RBMS3: variants seen among roughly 807,000 people sequenced by gnomAD.
RBMS3 encodes RNA-binding motif, single-stranded-interacting protein 3.
In RBMS3, 27 loss-of-function variants were observed where a neutral mutation model predicts 66.8. The ratio of observed to expected loss-of-function variants is 0.40; its 90% CI spans 0.30 to 0.56. The LOEUF is 0.56. Ranked by LOEUF, RBMS3 falls within the 20% of genes least tolerant of loss-of-function variation. The pLI is 0.40. For missense variants in RBMS3, 513 were observed against 549.5 expected (o/e 0.93, Z 0.66); for synonymous variants, 188 against 183.0 (o/e 1.03, Z -0.22).
In RBMS3 at chr3:29,627,337, C is replaced by G. The variant is rs141056727; in HGVS notation, c.399+40132C>G. The stretch of plus-strand genomic sequence containing the variant: ...CTCTTCTGCCTCGCTAACTTTAAAG[C>G]AGAGTTTCCTAACCTCAGCACTATT... On this transcript the variant is annotated intron_variant, in intron 4 of 14. Coordinates refer to ENST00000383767, the MANE Select transcript of RBMS3 (RefSeq NM_001003793.3). 4.0e-5 allele frequency among the ~76,000 whole-genome samples: 6 copies of G among 151,784 alleles called. No individual in the cohort carries two copies. The East Asian group carries it at 1.2e-3, about 30-fold the overall frequency.
chr3:29,719,895 G>A (rs1014940116), intron 4 of RBMS3, among the ~76,000 whole-genome samples: 2 of 151,200 alleles, frequency 1.3e-5, no homozygotes, highest in African/African-American at 4.9e-5. Flanking sequence ...TTGGAACTCG[G>A]CTCCATTTAT....
At chr3:29,416,406 T>C (rs1202017331) in intron 1 of RBMS3, among the ~76,000 whole-genome samples, 4 of 152,170 alleles carry the variant, frequency 2.6e-5, no homozygotes, top group Non-Finnish European at 5.9e-5. Context: ...AAAATTTAGA[T>C]CCCACAAGAT....
chr3:29,896,181 T>G (rs1282432978), intron 8 of RBMS3, among the ~76,000 whole-genome samples: 1 of 151,408 alleles, frequency 6.6e-6, no homozygotes, highest in Non-Finnish European at 1.5e-5. Context: ...TTACAGAAAA[T>G]AAGCTTAAAG....
intron 6 of RBMS3, among the ~76,000 whole-genome samples, chr3:29,805,535 G>C (rs2057520315): frequency 6.6e-6 from 1 of 151,986 alleles, no homozygotes; most frequent in Non-Finnish European, 1.5e-5. Context: ...CTTCCAGTTG[G>C]ACAAGACGTG....
At chr3:29,669,074 G>A (rs1008756881) in intron 4 of RBMS3, among the ~76,000 whole-genome samples, 1 of 152,160 alleles carries the variant, frequency 6.6e-6, no homozygotes, top group African/African-American at 2.4e-5. Context: ...CTGAATGGAG[G>A]TGCCCCACGC....
intron 1 of RBMS3, among the ~76,000 whole-genome samples, chr3:29,385,579 C>CCCCT (rs2038975548): frequency 6.6e-6 from 1 of 152,082 alleles, no homozygotes; most frequent in African/African-American, 2.4e-5. Context: ...CTGTGCAACC[C>CCCCT]CCCTCTATGA....
intron 12 of RBMS3, among the ~76,000 whole-genome samples, chr3:29,976,602 T>C (rs753709863): frequency 9.9e-5 from 15 of 152,086 alleles, no homozygotes; most frequent in Non-Finnish European, 1.5e-4. Flanking sequence ...CATGCCCTAG[T>C]AGGGACACTC....
intron 1 of RBMS3, among the ~76,000 whole-genome samples, chr3:29,366,797 C>T (rs1173880825): frequency 2.6e-5 from 4 of 152,086 alleles, no homozygotes; most frequent in African/African-American, 9.7e-5. Flanking sequence ...CTTCCTGCAT[C>T]ATTTTATTCC....
chr3:29,991,277 T>TATGTGTTAGCTTTTGCTGAA, intron 14 of RBMS3, 68 bp downstream of exon 14: 4 of 1,603,194 alleles, frequency 2.5e-6, no homozygotes, highest in Non-Finnish European at 3.4e-6. Flanking sequence ...TCTCATGTTG[T>TATGTGTTAGCTTTTGCTGAA]ATGTGTTAGC....
chr3:29,802,492 A>T (rs2057421279), intron 6 of RBMS3, among the ~76,000 whole-genome samples: 1 of 152,194 alleles, frequency 6.6e-6, no homozygotes, highest in Non-Finnish European at 1.5e-5. Flanking sequence ...AAAGTTCTAG[A>T]CTAGCACAAT....
chr3:29,357,991 T>G lies in RBMS3; in HGVS notation c.75+76235T>G, dbSNP rs1575606457. ...GTAGATTACAAAAATTTTCTCCTAT[T>G]CTCTAGGTTGCCTGTTCACTCTGAT... On this transcript the variant is annotated intron_variant, in intron 1 of 14. Coordinates refer to ENST00000383767, the MANE Select transcript of RBMS3 (RefSeq NM_001003793.3). Among the ~76,000 whole-genome samples, 6 of 152,314 alleles carry G rather than the reference T, an allele frequency of 3.9e-5. No homozygotes were observed. In the South Asian group the frequency reaches 1.2e-3, roughly 32 times the overall value.
At chr3:29,571,178 A>AT (rs1260579574) in intron 3 of RBMS3, among the ~76,000 whole-genome samples, 1 of 151,914 alleles carries the variant, frequency 6.6e-6, no homozygotes, top group African/African-American at 2.4e-5. Flanking sequence ...GGATTATTAT[A>AT]TTTTTTCCTA....
At chr3:29,681,537 T>A (rs1207681409) in intron 4 of RBMS3, among the ~76,000 whole-genome samples, 1 of 150,354 alleles carries the variant, frequency 6.7e-6, no homozygotes, top group Non-Finnish European at 1.5e-5. Context: ...CAGTGTGTAT[T>A]GTTCCCCCTT....
At chr3:29,715,341 A>T (rs2053346669) in intron 4 of RBMS3, among the ~76,000 whole-genome samples, 1 of 152,140 alleles carries the variant, frequency 6.6e-6, no homozygotes, top group Admixed American at 6.6e-5. Context: ...GAAAAGTGAG[A>T]TTAGAGAGAC....
chr3:29,487,499 G>A (rs149670498), intron 2 of RBMS3, among the ~76,000 whole-genome samples: 65 of 152,224 alleles, frequency 4.3e-4, no homozygotes, highest in African/African-American at 1.5e-3. Flanking sequence ...AAGTAGTAAT[G>A]TTTGAAGCTT....
intron 11 of RBMS3, 95 bp downstream of exon 11, chr3:29,936,291 A>T: frequency 8.5e-7 from 1 of 1,170,342 alleles, no homozygotes; most frequent in Middle Eastern, 2.0e-4. Flanking sequence ...CTGTGTCTGT[A>T]CCATATTCGT....
chr3:29,653,769 G>A (rs1339967126), intron 4 of RBMS3, among the ~76,000 whole-genome samples: 1 of 152,066 alleles, frequency 6.6e-6, no homozygotes, highest in Non-Finnish European at 1.5e-5. Flanking sequence ...CGTAATATAT[G>A]TCTCTAGTAA....
chr3:29,424,237 G>C (rs2040856279), intron 1 of RBMS3, among the ~76,000 whole-genome samples: 1 of 152,204 alleles, frequency 6.6e-6, no homozygotes, highest in Non-Finnish European at 1.5e-5. Context: ...TGGATAAATA[G>C]AAAGTAATTA....
chr3:29,658,068 C>T (rs1428747768), intron 4 of RBMS3, among the ~76,000 whole-genome samples: 1 of 152,136 alleles, frequency 6.6e-6, no homozygotes, highest in Non-Finnish European at 1.5e-5. Flanking sequence ...CTAGGTATAC[C>T]AAATGCTACC....
Sources: gnomAD v4.1 joint callset for allele counts (sites outside exome capture counted in the v4.1 genomes callset) on GRCh38, gnomAD v4.1.1 for gene constraint, MANE v1.5 for transcripts, NCBI Gene and HGNC (gene_info 2026-07-23, HGNC 2026-07-21) for gene names.